Variants in EYS observed in about 807,000 individuals in gnomAD.
EYS encodes the protein EGF-like photoreceptor maintenance factor.
EYS carries 250 observed loss-of-function variants against 282.1 expected under a neutral mutation model. That is an observed-to-expected ratio of 0.89 (90% CI 0.80 to 0.98). EYS has a LOEUF of 0.98. Ranked by LOEUF, EYS falls within the 50% of genes least tolerant of loss-of-function variation. The pLI is 0.00. For missense variants in EYS, 4,016 were observed against 3,709.0 expected, an observed-to-expected ratio of 1.08 and a Z score of -2.15; for synonymous variants, 1,355 against 1,282.9, an observed-to-expected ratio of 1.06 and a Z score of -1.20.
intron 31 of EYS, among the ~76,000 whole-genome samples, chr6:64,215,104 A>C (rs1765891097): frequency 1.3e-5 from 2 of 152,048 alleles, no homozygotes; most frequent in African/African-American, 4.8e-5. Flanking sequence ...ATTGAGATCA[A>C]AATTTGGTTG....
intron 2 of EYS, among the ~76,000 whole-genome samples, chr6:65,497,655 T>C (rs1222226277): frequency 6.6e-6 from 1 of 152,054 alleles, no homozygotes; most frequent in African/African-American, 2.4e-5. Flanking sequence ...AGATTTCACA[T>C]GGATGATTAA....
chr6:65,300,346 T>C (rs1172139758), intron 11 of EYS, among the ~76,000 whole-genome samples: 1 of 152,194 alleles, frequency 6.6e-6, no homozygotes, highest in Non-Finnish European at 1.5e-5. Flanking sequence ...GACTTCCTAT[T>C]TTAAGCGAAG....
intron 2 of EYS, among the ~76,000 whole-genome samples, chr6:65,547,375 T>A (rs1387611678): frequency 1.4e-4 from 22 of 151,908 alleles, no homozygotes; most frequent in Non-Finnish European, 1.5e-5. Context: ...CTTAAATGGA[T>A]CTGAGAACAG....
intron 11 of EYS, among the ~76,000 whole-genome samples, chr6:65,322,217 A>G (rs1769494848): frequency 6.6e-6 from 1 of 152,188 alleles, no homozygotes; most frequent in Non-Finnish European, 1.5e-5. Context: ...AGACGTATCC[A>G]CAGAGAGAGG....
intron 31 of EYS, among the ~76,000 whole-genome samples, chr6:64,204,727 A>G (rs1029245163): frequency 2.0e-5 from 3 of 152,166 alleles, no homozygotes; most frequent in Non-Finnish European, 4.4e-5. Flanking sequence ...AGCACAAGAA[A>G]AGTTTCTGGA....
At chr6:63,993,919 A>G (rs183254846) in intron 34 of EYS, among the ~76,000 whole-genome samples, 7 of 152,076 alleles carry the variant, frequency 4.6e-5, no homozygotes, top group Admixed American at 3.9e-4. Context: ...ATAGTAATCA[A>G]AAGTGTATGG....
intron 22 of EYS, among the ~76,000 whole-genome samples, chr6:64,676,318 A>C (rs1342391594): frequency 6.9e-6 from 1 of 145,416 alleles, no homozygotes; most frequent in Non-Finnish European, 1.5e-5. Context: ...CAATATATCT[A>C]TATATATATA....
At chr6:64,970,394 C>T (rs114203296) in intron 14 of EYS, among the ~76,000 whole-genome samples, 2,371 of 152,124 alleles carry the variant, frequency 0.016, 63 homozygotes, top group African/African-American at 0.054. Flanking sequence ...GATGGGGTTT[C>T]GTCATGTTGG....
chr6:65,616,288 G>A (rs73451254), intron 2 of EYS, among the ~76,000 whole-genome samples: 9,875 of 152,008 alleles, frequency 0.065, 1,011 homozygotes, highest in African/African-American at 0.21. Context: ...AGTTTTCTGA[G>A]TTTGTTTTAA....
chr6:64,940,853 G>C (rs1211133761), intron 15 of EYS, among the ~76,000 whole-genome samples: 1 of 151,930 alleles, frequency 6.6e-6, no homozygotes, highest in Non-Finnish European at 1.5e-5. Flanking sequence ...AGTTTTACAG[G>C]CATGAGATAA....
chr6:65,211,626 T>C (rs1303558313), intron 12 of EYS, among the ~76,000 whole-genome samples: 1 of 152,002 alleles, frequency 6.6e-6, no homozygotes, highest in Admixed American at 6.6e-5. Flanking sequence ...CATACCCATT[T>C]AGAGAGAGAA....
At chr6:63,891,644 AG>A (rs1355863086) in intron 35 of EYS, among the ~76,000 whole-genome samples, 1 of 152,216 alleles carries the variant, frequency 6.6e-6, no homozygotes, top group East Asian at 1.9e-4. Flanking sequence ...AATGGGCAAA[AG>A]CTGGTAGCAT....
At chr6:63,770,662 T>C (rs1196630261) in intron 40 of EYS, among the ~76,000 whole-genome samples, 1 of 152,174 alleles carries the variant, frequency 6.6e-6, no homozygotes, top group African/African-American at 2.4e-5. Flanking sequence ...ATAAAATTGC[T>C]TTCCTTTATG....
At chr6:65,407,775 GTGTGTGTGTGTA>G (rs1437725571) in intron 5 of EYS, among the ~76,000 whole-genome samples, 2 of 149,834 alleles carry the variant, frequency 1.3e-5, no homozygotes, top group African/African-American at 5.0e-5. Context: ...GTGTGTGTGT[GTGTGTGTGTGTA>G]TGTCTAACAA....
intron 31 of EYS, among the ~76,000 whole-genome samples, chr6:64,163,592 T>C (rs1451495077): frequency 1.3e-5 from 2 of 151,710 alleles, no homozygotes; most frequent in African/African-American, 4.9e-5. Flanking sequence ...GAGAAAAAAA[T>C]AACCGTTTAG....
chr6:64,842,892 C>A (rs1212910542), intron 19 of EYS, among the ~76,000 whole-genome samples: 2 of 152,036 alleles, frequency 1.3e-5, no homozygotes, highest in Admixed American at 1.3e-4. Flanking sequence ...AGAGAGAAAA[C>A]CCCATTTTTT....
At chr6:65,105,867 T>C (rs1367585227) in intron 12 of EYS, among the ~76,000 whole-genome samples, 2 of 151,736 alleles carry the variant, frequency 1.3e-5, no homozygotes, top group Non-Finnish European at 2.9e-5. Context: ...GAGAGATTAA[T>C]TGAAGAGCAT....
intron 15 of EYS, among the ~76,000 whole-genome samples, chr6:64,945,111 G>C (rs1370791543): frequency 7.7e-6 from 1 of 130,634 alleles, no homozygotes; most frequent in Non-Finnish European, 1.6e-5. Context: ...TGGGCCCACT[G>C]TTGTTTCTCT....
rs1305351412 is a variant in EYS, at chr6:63,962,857, C to T, written c.7055+21526G>A. Among the ~76,000 whole-genome samples, 6 of 152,102 alleles carry T rather than the reference C, an allele frequency of 3.9e-5. No homozygotes were observed. The South Asian group carries it at 6.2e-4, about 16-fold the overall frequency. On this transcript the variant is annotated intron_variant, in intron 35 of 42. Coordinates refer to ENST00000503581, the MANE Select transcript of EYS (RefSeq NM_001142800.2). ...CACGATAGCAAAGACTTGGAACCAA[C>T]CCAAATGCCCAACAACGATAGACTG...
Sources: allele counts gnomAD v4.1 joint callset (sites outside exome capture counted in the v4.1 genomes callset), GRCh38; gene constraint gnomAD v4.1.1; transcripts MANE v1.5; gene names NCBI Gene and HGNC (gene_info 2026-07-23, HGNC 2026-07-21).